PFKP: variants seen among roughly 807,000 people sequenced by gnomAD.
PFKP encodes ATP-dependent 6-phosphofructokinase, platelet type.
Under a neutral mutation model 94.3 loss-of-function variants are expected in PFKP, and 101 were observed. The observed-to-expected ratio is 1.07, with a 90% CI of 0.91 to 1.26. PFKP has a LOEUF of 1.26. Ranked by LOEUF, PFKP falls within the 50% of genes most tolerant of loss-of-function variation. PFKP has a pLI of 0.00. For synonymous variants in PFKP, 573 were observed against 432.6 expected, an observed-to-expected ratio of 1.32 and a Z score of -4.03; for missense variants, 1,145 against 1,103.3, an observed-to-expected ratio of 1.04 and a Z score of -0.53.
Position 3,129,912 on chromosome 10 carries a change from A to C in PFKP, c.1777A>C (p.Met593Leu), listed in dbSNP as rs750036629. Residue 593 changes from methionine (M) to leucine (L), a missense_variant, in exon 17 of 22, where the codon ATG (methionine) becomes CTG (leucine). This residue lies in a region of PFKP where 1,119 missense variants were observed against 1,062.8 expected (regional missense o/e 1.05). Transcript: ENST00000381125. ...CGGCTACTGTGGCTACCTGGCCAACATGGGGGGGCTCGCGGCCGGAGCTGA... is the reference window on the plus strand; with the variant it reads ...CGGCTACTGTGGCTACCTGGCCAACCTGGGGGGGCTCGCGGCCGGAGCTGA... ...MGGYCGYLANMGGLAAGADAA... is the reference protein window; with the variant it reads ...MGGYCGYLANLGGLAAGADAA... The C allele has an allele frequency of 1.2e-6, 2 of 1,612,558 alleles. No homozygotes were observed. Among genetic ancestry groups the C allele is most frequent in the South Asian group, 2.2e-5 (2 of 91,010 alleles).
intron 1 of PFKP, among the ~76,000 whole-genome samples, chr10:3,073,129 GA>G (rs1266830611): frequency 6.6e-6 from 1 of 151,902 alleles, no homozygotes; most frequent in Non-Finnish European, 1.5e-5. Context: ...ACACATGGCA[GA>G]CCAGAGCACT....
intron 18 of PFKP, 51 bp from the exon 19 acceptor site, chr10:3,133,152 C>A: frequency 7.5e-7 from 1 of 1,337,918 alleles, no homozygotes; most frequent in Non-Finnish European, 1.1e-6. Context: ...AAGCAGGGAG[C>A]CACGTGCCCA....
At position 3,071,228 on chromosome 10, in the gene PFKP, C is replaced by T. The variant is rs780915882; in HGVS notation, c.112+3521C>T. On this transcript the variant is annotated intron_variant, in intron 1 of 21. Coordinates refer to ENST00000381125, the MANE Select transcript of PFKP (RefSeq NM_002627.5). ...GTGATAGGAGTCCAGGTGGCAAGAA[C>T]GATATTATGTGATGGGCTGCTTTTT... is the stretch of plus-strand genomic sequence containing the variant. Among the ~76,000 whole-genome samples, 10 of 152,130 alleles carry T rather than the reference C, an allele frequency of 6.6e-5. 1 individual carries two copies. In the South Asian group the frequency reaches 2.1e-3, roughly 32 times the overall value.
intron 2 of PFKP, among the ~76,000 whole-genome samples, chr10:3,090,447 G>A (rs762184742): frequency 1.3e-5 from 2 of 152,206 alleles, no homozygotes; most frequent in Admixed American, 6.5e-5. Flanking sequence ...GCTTTTCAGG[G>A]ATGAGACGCG....
At chr10:3,104,924 T>G in intron 5 of PFKP, 191 bp from the exon 6 acceptor site, 2 of 666,264 alleles carry the variant, frequency 3.0e-6, no homozygotes, top group Non-Finnish European at 5.4e-6. Flanking sequence ...TCTGGAAGGC[T>G]ACTGCATAGC....
intron 2 of PFKP, among the ~76,000 whole-genome samples, chr10:3,095,472 C>T (rs926007871): frequency 6.6e-6 from 1 of 152,176 alleles, no homozygotes; most frequent in Non-Finnish European, 1.5e-5. Flanking sequence ...TTCTGTCCGA[C>T]GATGGATCCG....
At chr10:3,080,439 C>T (rs1484475646) in intron 1 of PFKP, among the ~76,000 whole-genome samples, 1 of 146,332 alleles carries the variant, frequency 6.8e-6, no homozygotes, top group Non-Finnish European at 1.5e-5. Context: ...ATGGCGTGAA[C>T]CTGGGAGGCG....
rs771951108 is a variant in PFKP at position 3,119,949 on chromosome 10, G to C, written c.1588G>C (p.Val530Leu). Residue 530 changes from valine (V) to leucine (L), a missense_variant, in exon 16 of 22, where the codon GTC becomes CTC. Val to Leu is a conservative substitution (Grantham distance 32). Around this residue, in one of 3 missense-constraint regions of PFKP, gnomAD observed 1,119 missense variants for 1,062.8 expected, o/e 1.05. Transcript: ENST00000381125. ...CCGGGAGAAGCACGAGGAGTTCTGT[G>C]TCCCCATGGTCATGGTTCCCGCTAC... The part of the protein sequence containing the change: ...AAREKHEEFC[V>L]PMVMVPATVS... 1.2e-6 allele frequency: 2 copies of C among 1,614,012 alleles called. No individual in the cohort carries two copies. The highest frequency in any genetic ancestry group is 1.7e-6 in the Non-Finnish European group (2 of 1,180,024).
intron 8 of PFKP, among the ~76,000 whole-genome samples, chr10:3,108,351 A>G (rs1049255496): frequency 4.6e-5 from 7 of 152,248 alleles, no homozygotes; most frequent in Non-Finnish European, 8.8e-5. Context: ...TGGTTCAAGG[A>G]AGATGTTTAC....
intron 2 of PFKP, among the ~76,000 whole-genome samples, chr10:3,089,394 G>A (rs962248280): frequency 3.3e-5 from 5 of 152,064 alleles, no homozygotes; most frequent in African/African-American, 1.2e-4. Context: ...CTGGGCTGTT[G>A]TGATGGGGAG....
chr10:3,129,604 A>T, intron 16 of PFKP: 1 of 562,558 alleles, frequency 1.8e-6, no homozygotes, highest in Non-Finnish European at 3.1e-6. Context: ...GGTCACCTCC[A>T]GGTGGCTGCC....
Position 3,120,058 on chromosome 10 carries a change from CG to C in PFKP, c.1683+15del. The stretch of plus-strand genomic sequence containing the variant: ...ACTATCACCGACGTAAGTCCGTGTG[CG>C]CCCTGCCAGGCGGGCGCCGGCTGAC... On this transcript the variant is annotated intron_variant, in intron 16 of 21. Coordinates refer to ENST00000381125, the MANE Select transcript of PFKP (RefSeq NM_002627.5). 1.2e-6 allele frequency: 2 copies of C among 1,613,132 alleles called. No homozygotes were observed. The highest frequency in any genetic ancestry group is 1.7e-6 in the Non-Finnish European group (2 of 1,179,612).
At chr10:3,100,123 CCT>C (rs1834859751) in intron 3 of PFKP, among the ~76,000 whole-genome samples, 3 of 151,304 alleles carry the variant, frequency 2.0e-5, no homozygotes, top group Admixed American at 6.6e-5. Context: ...GGCACCCACT[CCT>C]CTGCAGCCCA....
chr10:3,080,436 G>T (rs545082075), intron 1 of PFKP, among the ~76,000 whole-genome samples: 68 of 145,264 alleles, frequency 4.7e-4, no homozygotes, highest in African/African-American at 1.6e-3. Flanking sequence ...AGAATGGCGT[G>T]AACCTGGGAG....
At chr10:3,128,219 C>T (rs1001841869) in intron 16 of PFKP, among the ~76,000 whole-genome samples, 1 of 152,202 alleles carries the variant, frequency 6.6e-6, no homozygotes, top group Non-Finnish European at 1.5e-5. Context: ...TAAGCCCAGC[C>T]CACAGTTCCT....
At position 3,136,670 on chromosome 10, in the gene PFKP, ATT is replaced by A; in HGVS notation, c.*92_*93del. On this transcript the variant is annotated 3_prime_UTR_variant, in exon 22 of 22. Coordinates refer to ENST00000381125, the MANE Select transcript of PFKP (RefSeq NM_002627.5). ...TTTATCAGCACTTTATGCACGTATTATTGACATTAATACCTAATCGGCGAGTG... is the reference window on the plus strand; with the variant it reads ...TTTATCAGCACTTTATGCACGTATTAGACATTAATACCTAATCGGCGAGTG... 1.4e-6 allele frequency: 2 copies of A among 1,391,410 alleles called. No individual in the cohort carries two copies. Among genetic ancestry groups the A allele is most frequent in the South Asian group, 2.6e-5 (2 of 78,230 alleles). The allele number at this position is 1,391,410 out of a possible 1,614,324, so 86.2% of individuals were successfully genotyped here.
Position 3,101,382 on chromosome 10 carries a change from C to A in PFKP, c.282C>A (p.Gly94=). The stretch of plus-strand genomic sequence containing the variant: ...TTTCCCAGGGCGGGACGATCATTGG[C>A]AGTGCGCGGTGCCAGGCCTTCCGCA... The part of the protein sequence containing the change: ...SILQVGGTII[G]SARCQAFRTR... The change falls in exon 4 of 22, where the codon GGC becomes GGA. Residue 94 remains glycine, a synonymous_variant. Coordinates refer to ENST00000381125, the MANE Select transcript of PFKP (RefSeq NM_002627.5). 6.3e-7 allele frequency: 1 copy of A among 1,592,560 alleles called. No homozygotes were observed. The highest frequency in any genetic ancestry group is 8.5e-7 in the Non-Finnish European group (1 of 1,169,728).
At chr10:3,074,377 C>T (rs746319604) in intron 1 of PFKP, among the ~76,000 whole-genome samples, 15 of 152,102 alleles carry the variant, frequency 9.9e-5, no homozygotes, top group Admixed American at 2.0e-4. Flanking sequence ...GGGAGGAGTC[C>T]GTAGAGGAGA....
At chr10:3,110,365 ATTTTTTTTT>A (rs57980780) in intron 10 of PFKP, among the ~76,000 whole-genome samples, 12,550 of 92,832 alleles carry the variant, frequency 0.14, 766 homozygotes, top group South Asian at 0.32. Context: ...CGCCTGGCTA[ATTTTTTTTT>A]TTTTTTTTTT....
Sources: gnomAD v4.1 joint callset for allele counts (sites outside exome capture counted in the v4.1 genomes callset) on GRCh38, gnomAD v4.1.1 for gene constraint, gnomAD v4.1.1 regional missense constraint, MANE v1.5 for transcripts, NCBI Gene and HGNC (gene_info 2026-07-23, HGNC 2026-07-21) for gene names.